The following SMARCC1 variants were observed in gnomAD, a reference collection of about 807,000 sequenced individuals.
SMARCC1 encodes SWI/SNF related BAF chromatin remodeling complex subunit C1.
SMARCC1 carries 43 observed loss-of-function variants against 147.4 expected under a neutral mutation model. That is an observed-to-expected ratio of 0.29 (90% CI 0.23 to 0.38). The LOEUF (loss-of-function observed/expected upper bound fraction) is 0.38, where lower values mean the gene tolerates loss of function less well. Among genes scored for constraint, SMARCC1 ranks in the 10% least tolerant of loss-of-function variants. The pLI, the probability that SMARCC1 is intolerant of heterozygous loss-of-function variation, is 1.00. For synonymous variants in SMARCC1, 495 were observed against 484.4 expected, an observed-to-expected ratio of 1.02 and a Z score of -0.29; for missense variants, 1,119 against 1,381.1, an observed-to-expected ratio of 0.81 and a Z score of 3.01.
At position 47,590,384 on chromosome 3, in the gene SMARCC1, A is replaced by T. The variant is rs564694764; in HGVS notation, c.3220+277T>A. ...TTGAGAGTCATAACAAGACAGGCTT[A>T]AACAGGTGTGGGAGAGGAATATCTT... On this transcript the variant is annotated intron_variant, in intron 27 of 27. Coordinates refer to ENST00000254480, the MANE Select transcript of SMARCC1 (RefSeq NM_003074.4). Among the ~76,000 whole-genome samples the T allele has an allele frequency of 8.5e-5, 13 of 152,360 alleles. No homozygotes were observed. In the South Asian group the frequency reaches 2.5e-3, roughly 29 times the overall value.
intron 24 of SMARCC1, among the ~76,000 whole-genome samples, chr3:47,626,877 C>G (rs1335403574): frequency 6.6e-6 from 1 of 152,146 alleles, no homozygotes; most frequent in Non-Finnish European, 1.5e-5. Flanking sequence ...AGGGGAAATT[C>G]TGAGACTACA....
intron 2 of SMARCC1, among the ~76,000 whole-genome samples, chr3:47,750,176 C>G (rs2034613778): frequency 6.6e-6 from 1 of 152,072 alleles, no homozygotes; most frequent in African/African-American, 2.4e-5. Context: ...TGGCTCACGC[C>G]AATAATCCTA....
intron 26 of SMARCC1, among the ~76,000 whole-genome samples, chr3:47,600,187 C>T (rs567110916): frequency 2.6e-5 from 4 of 152,314 alleles, no homozygotes; most frequent in East Asian, 1.9e-4. Context: ...GAGAGGACAA[C>T]GGCTCCTTGG....
In SMARCC1 at chr3:47,610,385, A is replaced by T. The variant is rs1225337196; in HGVS notation, c.2782-58T>A. 4 of 1,587,918 alleles carry T rather than the reference A, an allele frequency of 2.5e-6. No individual in the cohort carries two copies. In the African/African-American group the frequency reaches 5.4e-5, roughly 21 times the overall value. On this transcript the variant is annotated intron_variant, in intron 25 of 27. Transcript: ENST00000254480. ...CCAGAAGAGGCTTTCAGGATTGGAT[A>T]ACACAAAGGACAACTACATAATGCC... is the stretch of plus-strand genomic sequence containing the variant.
At chr3:47,630,452 G>A (rs774309633) in intron 24 of SMARCC1, among the ~76,000 whole-genome samples, 1 of 152,164 alleles carries the variant, frequency 6.6e-6, no homozygotes, top group Non-Finnish European at 1.5e-5. Flanking sequence ...ATGGAACATA[G>A]GAGAAACAAC....
intron 14 of SMARCC1, among the ~76,000 whole-genome samples, chr3:47,683,083 C>G (rs911465902): frequency 2.6e-5 from 4 of 152,206 alleles, no homozygotes; most frequent in African/African-American, 9.6e-5. Context: ...CGCTCTGTCG[C>G]CCAGGCTGGA....
chr3:47,672,305 C>T (rs1437740716), intron 18 of SMARCC1, among the ~76,000 whole-genome samples: 2 of 152,044 alleles, frequency 1.3e-5, no homozygotes, highest in African/African-American at 2.4e-5. Context: ...AGCTCCGCCT[C>T]CCGGGTTCAC....
chr3:47,781,612 G>C lies in SMARCC1; in HGVS notation c.186C>G (p.His62Gln), dbSNP rs2035049424. 6.5e-7 allele frequency: 1 copy of C among 1,547,316 alleles called. No individual in the cohort carries two copies. Among genetic ancestry groups the C allele is most frequent in the Non-Finnish European group, 8.7e-7 (1 of 1,151,514 alleles). The change falls in exon 1 of 28, where the codon CAC becomes CAG. Residue 62 changes from histidine to glutamine, a missense_variant. This residue lies in a region of SMARCC1 where 542 missense variants were observed against 611.8 expected (regional missense o/e 0.89). Transcript: ENST00000254480. ...LDSVRVWLGK[H>Q]YKKYVHADAP... ...GGGCGCGCGAACCCACCTTCTTGTAGTGCTTGCCCAGCCAGACCCGCACCG... is the reference window on the plus strand; with the variant it reads ...GGGCGCGCGAACCCACCTTCTTGTACTGCTTGCCCAGCCAGACCCGCACCG...
chr3:47,759,484 G>A (rs1469749561), intron 2 of SMARCC1, among the ~76,000 whole-genome samples: 1 of 151,400 alleles, frequency 6.6e-6, no homozygotes, highest in Non-Finnish European at 1.5e-5. Flanking sequence ...AGCCGAGCAT[G>A]GTGGGGCGTG....
intron 26 of SMARCC1, among the ~76,000 whole-genome samples, chr3:47,608,242 T>C (rs1248625859): frequency 2.0e-5 from 3 of 152,170 alleles, no homozygotes; most frequent in Non-Finnish European, 4.4e-5. Context: ...TGTGCACCAT[T>C]ACACCTGGCT....
rs916582080 is a variant in SMARCC1 at position 47,642,286 on chromosome 3, T to C, written c.2321-3506A>G. Among the ~76,000 whole-genome samples, 10 of 152,012 alleles carry C rather than the reference T, an allele frequency of 6.6e-5. No homozygotes were observed. The East Asian group carries it at 1.7e-3, about 26-fold the overall frequency. ...TACAGAAGTACATATGACCAATAAA[T>C]ATAAGAAAAGATACTAGGTTTTGCC... is the stretch of plus-strand genomic sequence containing the variant. On this transcript the variant is annotated intron_variant, in intron 21 of 27. Coordinates refer to ENST00000254480, the MANE Select transcript of SMARCC1 (RefSeq NM_003074.4).
chr3:47,728,301 T>G (rs2034325380), intron 6 of SMARCC1, among the ~76,000 whole-genome samples: 1 of 149,902 alleles, frequency 6.7e-6, no homozygotes. Context: ...TTGGTCAGGC[T>G]GATCTCAAAC....
intron 2 of SMARCC1, among the ~76,000 whole-genome samples, chr3:47,768,016 T>C (rs2034862173): frequency 6.6e-6 from 1 of 152,046 alleles, no homozygotes; most frequent in African/African-American, 2.4e-5. Flanking sequence ...ATTTTTCTTG[T>C]ATTTCTTTGT....
At chr3:47,681,192 C>G (rs565068654) in intron 14 of SMARCC1, among the ~76,000 whole-genome samples, 3 of 152,224 alleles carry the variant, frequency 2.0e-5, no homozygotes, top group African/African-American at 7.2e-5. Context: ...TGGCAACAAA[C>G]TGATGAAACA....
At chr3:47,591,945 T>A (rs902248855) in intron 26 of SMARCC1, among the ~76,000 whole-genome samples, 1 of 152,252 alleles carries the variant, frequency 6.6e-6, no homozygotes, top group Non-Finnish European at 1.5e-5. Flanking sequence ...GAGAATCATA[T>A]GAGAATCAAT....
chr3:47,607,260 T>C (rs2032490624), intron 26 of SMARCC1, among the ~76,000 whole-genome samples: 1 of 152,210 alleles, frequency 6.6e-6, no homozygotes, highest in African/African-American at 2.4e-5. Flanking sequence ...ATGGTAGTAA[T>C]TCTTATGATT....
intron 2 of SMARCC1, among the ~76,000 whole-genome samples, chr3:47,757,503 G>A (rs2034714208): frequency 6.6e-6 from 1 of 152,108 alleles, no homozygotes; most frequent in South Asian, 2.1e-4. Context: ...TCAGCCAGGT[G>A]TGGTGGCTCA....
At chr3:47,740,650 A>C (rs2034498850) in intron 3 of SMARCC1, among the ~76,000 whole-genome samples, 1 of 152,006 alleles carries the variant, frequency 6.6e-6, no homozygotes, top group African/African-American at 2.4e-5. Context: ...TCATGTTCTT[A>C]ATACATCCTG....
chr3:47,721,442 C>T (rs2034231622), intron 6 of SMARCC1, among the ~76,000 whole-genome samples: 1 of 152,044 alleles, frequency 6.6e-6, no homozygotes, highest in African/African-American at 2.4e-5. Flanking sequence ...CACATTTCAG[C>T]ACTGGTAATC....
Sources: gnomAD v4.1 joint callset for allele counts (sites outside exome capture counted in the v4.1 genomes callset) on GRCh38, gnomAD v4.1.1 for gene constraint, gnomAD v4.1.1 regional missense constraint, MANE v1.5 for transcripts, NCBI Gene and HGNC (gene_info 2026-07-23, HGNC 2026-07-21) for gene names.